KIF3A: variants seen among roughly 807,000 people sequenced by gnomAD.
KIF3A encodes kinesin-like protein KIF3A.
In KIF3A, 27 loss-of-function variants were observed where a neutral mutation model predicts 92.6. The ratio of observed to expected loss-of-function variants is 0.29; its 90% CI spans 0.21 to 0.40. The LOEUF (loss-of-function observed/expected upper bound fraction) is 0.40. Among genes scored for constraint, KIF3A ranks in the 10% least tolerant of loss-of-function variants. The pLI is 1.00. For missense variants in KIF3A, 581 were observed against 872.6 expected (o/e 0.67, Z 4.21); for synonymous variants, 250 against 275.4 (o/e 0.91, Z 0.92).
intron 1 of KIF3A, chr5:132,736,987 T>C (rs1754410736): frequency 6.4e-6 from 2 of 313,050 alleles, no homozygotes; most frequent in Non-Finnish European, 1.2e-5. Context: ...GGGCCTGGAA[T>C]AGGGGCAGGC....
intron 9 of KIF3A, among the ~76,000 whole-genome samples, chr5:132,710,616 A>AAAACAAAC (rs536237180): frequency 1.3e-5 from 2 of 152,188 alleles, no homozygotes; most frequent in Non-Finnish European, 2.9e-5. Flanking sequence ...ACTCCGTCTC[A>AAAACAAAC]AAACAAACAA....
At chr5:132,731,553 T>C (rs1416959864) in intron 2 of KIF3A, among the ~76,000 whole-genome samples, 1 of 152,162 alleles carries the variant, frequency 6.6e-6, no homozygotes, top group Admixed American at 6.5e-5. Flanking sequence ...GGTGAAAGAA[T>C]GAATGCATTT....
chr5:132,696,820 A>T, intron 18 of KIF3A, 138 bp from the exon 19 acceptor site: 1 of 629,524 alleles, frequency 1.6e-6, no homozygotes, highest in Non-Finnish European at 2.9e-6. Context: ...TGACCATGGT[A>T]AGTGTTCAAT....
intron 1 of KIF3A, among the ~76,000 whole-genome samples, chr5:132,737,112 G>T (rs1429919278): frequency 6.6e-6 from 1 of 152,252 alleles, no homozygotes; most frequent in Non-Finnish European, 1.5e-5. Context: ...TCAGCAGGAA[G>T]GGCTGCGAGC....
At chr5:132,696,779 A>G in intron 18 of KIF3A, 97 bp from the exon 19 acceptor site, 1 of 942,022 alleles carries the variant, frequency 1.1e-6, no homozygotes, top group South Asian at 1.5e-5. Flanking sequence ...TGGCCTGTAT[A>G]GTCTGGAAAC....
At chr5:132,692,368 T>C (rs1369614082), downstream of KIF3A, 2 of 152,340 alleles carry the variant, frequency 1.3e-5, no homozygotes, top group South Asian at 4.1e-4. Flanking sequence ...CAAAACCCCA[T>C]GAGATGTGTT....
intron 8 of KIF3A, 80 bp from the exon 9 acceptor site, chr5:132,711,137 T>C (rs1753409685): frequency 7.5e-7 from 1 of 1,335,042 alleles, no homozygotes; most frequent in Non-Finnish European, 1.1e-6. Context: ...ATCAGCTTTC[T>C]TCCTCAGATT....
Position 132,708,885 on chromosome 5 carries a change from G to A in KIF3A, c.1300+22C>T, listed in dbSNP as rs1050244198. ...ATGGAAAAGCCAAAGCTCTGTTAGAGAATGTAAGAGCTACCACTCACTAGG... is the reference window on the plus strand; with the variant it reads ...ATGGAAAAGCCAAAGCTCTGTTAGAAAATGTAAGAGCTACCACTCACTAGG... On this transcript the variant is annotated intron_variant, in intron 10 of 18. Transcript: ENST00000403231. 6.7e-5 allele frequency: 101 copies of A among 1,514,626 alleles called. No homozygotes were observed. In the African/African-American group the frequency reaches 9.4e-4, roughly 14 times the overall value. The allele number at this position is 1,514,626 out of a possible 1,614,324, so 93.8% of individuals were successfully genotyped here.
At chr5:132,714,900 A>G (rs574284951) in intron 8 of KIF3A, among the ~76,000 whole-genome samples, 1 of 152,366 alleles carries the variant, frequency 6.6e-6, no homozygotes, top group East Asian at 1.9e-4. Context: ...TACTGGCTAT[A>G]AATACCACCT....
chr5:132,729,704 A>G (rs2149920138), intron 2 of KIF3A, among the ~76,000 whole-genome samples: 1 of 152,324 alleles, frequency 6.6e-6, no homozygotes. Context: ...CTACATGAAA[A>G]TGAAAACATA....
chr5:132,693,249 T>C lies in KIF3A; in HGVS notation c.*3385A>G, dbSNP rs1188033424. ...ATGGATTCTATTCATGGGGCAAACA[T>C]GGAGATGCGACCCTTCCCTTGATTA... On this transcript the variant is annotated 3_prime_UTR_variant, in exon 19 of 19. Coordinates refer to ENST00000403231, the MANE Select transcript of KIF3A (RefSeq NM_001300791.2). The C allele has an allele frequency of 2.0e-5, 3 of 151,778 alleles. No individual in the cohort carries two copies. The highest frequency in any genetic ancestry group is 6.6e-5 in the Admixed American group (1 of 15,226). The allele number at this position is 151,778 out of a possible 1,614,324, so 9.4% of individuals were successfully genotyped here. A position where few individuals can be genotyped will look rare whatever the true frequency, so the allele number is the denominator to read the frequency against.
In KIF3A at chr5:132,736,733, TTAAA is replaced by T. The variant is rs763451834; in HGVS notation, c.6+677_6+680del. On this transcript the variant is annotated intron_variant, in intron 1 of 18. Transcript: ENST00000403231. The stretch of plus-strand genomic sequence containing the variant: ...CATGGGAACTAAGGACCCAGACAGA[TTAAA>T]TAATTATCCGAGGCCTCACAACCAC... The T allele has an allele frequency of 3.3e-5, 15 of 459,086 alleles. 1 individual carries two copies. Among genetic ancestry groups the T allele is most frequent in the South Asian group, 2.4e-4 (15 of 62,418 alleles). The allele number at this position is 459,086 out of a possible 1,614,324, so 28.4% of individuals were successfully genotyped here.
At position 132,708,914 on chromosome 5, in the gene KIF3A, G is replaced by T. The variant is rs1383151667; in HGVS notation, c.1293C>A (p.Phe431Leu). The T allele has an allele frequency of 6.5e-7, 1 of 1,548,920 alleles. No homozygotes were observed. Among genetic ancestry groups the T allele is most frequent in the East Asian group, 2.4e-5 (1 of 40,888 alleles). ...CSVIEKPLDK[F>L]LPNQAGKKKV... ...GTAAGAGCTACCACTCACTAGGCAAGAACTTATCCAGAGGTTTCTCTATGA... is the reference window on the plus strand; with the variant it reads ...GTAAGAGCTACCACTCACTAGGCAATAACTTATCCAGAGGTTTCTCTATGA... The change falls in exon 10 of 19, where the codon TTC (phenylalanine) becomes TTA (leucine). Residue 431 changes from phenylalanine to leucine, a missense_variant. Physicochemically the swap from Phe to Leu is conservative, Grantham distance 22. This residue lies in a region of KIF3A where 167 missense variants were observed against 205.8 expected (regional missense o/e 0.81). Coordinates refer to ENST00000403231, the MANE Select transcript of KIF3A (RefSeq NM_001300791.2).
At chr5:132,727,082 TAA>T in intron 2 of KIF3A, among the ~76,000 whole-genome samples, 1 of 152,308 alleles carries the variant, frequency 6.6e-6, no homozygotes, top group South Asian at 2.1e-4. Context: ...AATCCTAAAA[TAA>T]GTGTGTTTTT....
chr5:132,712,384 T>A (rs1377879943), intron 8 of KIF3A, among the ~76,000 whole-genome samples: 1 of 152,182 alleles, frequency 6.6e-6, no homozygotes, highest in African/African-American at 2.4e-5. Flanking sequence ...CTGGAACAAT[T>A]CAATGAACAA....
intron 18 of KIF3A, chr5:132,697,691 C>T (rs1752884568): frequency 6.6e-6 from 1 of 152,020 alleles, no homozygotes. Flanking sequence ...TGGCAGGTGC[C>T]AGTAATCCCA....
chr5:132,692,397 T>C (rs1752687851), downstream of KIF3A: 1 of 152,162 alleles, frequency 6.6e-6, no homozygotes, highest in Non-Finnish European at 1.5e-5. Flanking sequence ...TAACAAACCT[T>C]CACATGTACC....
intron 14 of KIF3A, 97 bp from the exon 15 acceptor site, chr5:132,702,309 G>T: frequency 8.7e-7 from 1 of 1,155,408 alleles, no homozygotes; most frequent in South Asian, 1.5e-5. Flanking sequence ...AACCTTGTGA[G>T]AGCTTACCTA....
At position 132,726,148 on chromosome 5, in the gene KIF3A, C is replaced by G; in HGVS notation, c.490G>C (p.Asp164His). ...NEEVRDLLGK[D>H]QTQRLEVKER... Reference sequence around the variant, plus strand: ...CTTACCTCTAACCTTTGTGTCTGATCCTTGCCCAAAAGGTCACGAACTTCT... The same window carrying G: ...CTTACCTCTAACCTTTGTGTCTGATGCTTGCCCAAAAGGTCACGAACTTCT... The change falls in exon 4 of 19, where the codon GAT becomes CAT. Residue 164 changes from aspartate to histidine, a missense_variant. By Grantham distance (81) the Asp-to-His change is moderately conservative. Around this residue, in one of 5 missense-constraint regions of KIF3A, gnomAD observed 217 missense variants for 299.7 expected, o/e 0.72. Coordinates refer to ENST00000403231, the MANE Select transcript of KIF3A (RefSeq NM_001300791.2). The G allele has an allele frequency of 6.2e-7, 1 of 1,611,382 alleles. No homozygotes were observed. The highest frequency in any genetic ancestry group is 8.5e-7 in the Non-Finnish European group (1 of 1,178,702).
Sources: gnomAD v4.1 joint callset for allele counts (sites outside exome capture counted in the v4.1 genomes callset) on GRCh38, gnomAD v4.1.1 for gene constraint, gnomAD v4.1.1 regional missense constraint, MANE v1.5 for transcripts, NCBI Gene and HGNC (gene_info 2026-07-23, HGNC 2026-07-21) for gene names.